SERPIND1: variants seen among roughly 807,000 people sequenced by gnomAD.
SERPIND1 encodes the protein heparin cofactor 2.
Under a neutral mutation model 35.0 loss-of-function variants are expected in SERPIND1, and 34 were observed. That is an observed-to-expected ratio of 0.97 (90% CI 0.74 to 1.29). The LOEUF is 1.29. Ranked by LOEUF, SERPIND1 falls within the 50% of genes most tolerant of loss-of-function variation. SERPIND1 has a pLI of 0.00. For synonymous variants in SERPIND1, 236 were observed against 241.1 expected, an observed-to-expected ratio of 0.98 and a Z score of 0.19; for missense variants, 633 against 637.7, an observed-to-expected ratio of 0.99 and a Z score of 0.08.
chr22:20,780,067 A>T lies in SERPIND1; in HGVS notation c.755A>T (p.Asp252Val). 6.2e-7 allele frequency: 1 copy of T among 1,614,176 alleles called. No homozygotes were observed. Among genetic ancestry groups the T allele is most frequent in the South Asian group, 1.1e-5 (1 of 91,090 alleles). Reference sequence around the variant, plus strand: ...TACTTTGCTGAGGCCCAGATAGCTGACTTCTCAGACCCTGCCTTCATATCA... The same window carrying T: ...TACTTTGCTGAGGCCCAGATAGCTGTCTTCTCAGACCCTGCCTTCATATCA... Reference protein sequence around the residue: ...EYYFAEAQIADFSDPAFISKT... With the variant: ...EYYFAEAQIAVFSDPAFISKT... The change falls in exon 2 of 5, where the codon GAC becomes GTC. Residue 252 changes from aspartate to valine, a missense_variant. By Grantham distance (152) the Asp-to-Val change is radical. Coordinates refer to ENST00000215727, the MANE Select transcript of SERPIND1 (RefSeq NM_000185.4).
At chr22:20,776,997 A>G (rs1933344094) in intron 1 of SERPIND1, among the ~76,000 whole-genome samples, 1 of 152,040 alleles carries the variant, frequency 6.6e-6, no homozygotes, top group Non-Finnish European at 1.5e-5. Flanking sequence ...CTAATAGGAA[A>G]TGGTCACAGA....
intron 3 of SERPIND1, 106 bp downstream of exon 3, chr22:20,784,351 T>C: frequency 6.8e-7 from 1 of 1,478,154 alleles, no homozygotes; most frequent in South Asian, 1.2e-5. Flanking sequence ...TATGTACAAG[T>C]ACCCAAGAAC....
In SERPIND1 at chr22:20,779,514, G is replaced by A. The variant is rs909727132; in HGVS notation, c.202G>A (p.Asp68Asn). ...DFHKENTVTN[D>N]WIPEGEEDDD... The stretch of plus-strand genomic sequence containing the variant: ...CCACAAGGAAAACACCGTCACCAAC[G>A]ACTGGATTCCAGAGGGGGAGGAGGA... The change falls in exon 2 of 5, where the codon GAC (aspartate) becomes AAC (asparagine). Residue 68 changes from aspartate (D) to asparagine (N), a missense_variant. Coordinates refer to ENST00000215727, the MANE Select transcript of SERPIND1 (RefSeq NM_000185.4). 35 of 1,613,994 alleles carry A rather than the reference G, an allele frequency of 2.2e-5. No homozygotes were observed. The highest frequency in any genetic ancestry group is 2.5e-5 in the Non-Finnish European group (30 of 1,179,864).
At chr22:20,780,427 A>G (rs771357157) in intron 2 of SERPIND1, among the ~76,000 whole-genome samples, 12 of 152,192 alleles carry the variant, frequency 7.9e-5, no homozygotes, top group Admixed American at 6.5e-5. Context: ...TGAGGTCATC[A>G]CTGTTATTAG....
rs1238561161 is a variant in SERPIND1 at position 20,780,184 on chromosome 22, A to G, written c.872A>G (p.Asn291Ser). 1 of 1,614,142 alleles carries G rather than the reference A, an allele frequency of 6.2e-7. No individual in the cohort carries two copies. The highest frequency in any genetic ancestry group is 1.3e-5 in the African/African-American group (1 of 74,952). The part of the protein sequence containing the change: ...IDPATQMMIL[N>S]CIYFKGSWVN... The stretch of plus-strand genomic sequence containing the variant: ...CCTGCTACCCAGATGATGATTCTCA[A>G]CTGCATCTACTTCAAAGGTAAGAGG... The change falls in exon 2 of 5, where the codon AAC becomes AGC. Residue 291 changes from asparagine to serine, a missense_variant. Physicochemically the swap from Asn to Ser is conservative, Grantham distance 46. Transcript: ENST00000215727.
Position 20,786,915 on chromosome 22 carries a change from C to T in SERPIND1, c.1349C>T (p.Thr450Ile). The part of the protein sequence containing the change: ...QGTITVNEEG[T>I]QATTVTTVGF... The stretch of plus-strand genomic sequence containing the variant: ...ACGATCACAGTGAACGAGGAAGGCA[C>T]CCAAGCCACCACTGTGACCACGGTG... Residue 450 changes from threonine to isoleucine, a missense_variant, in exon 5 of 5, where the codon ACC (threonine) becomes ATC (isoleucine). Transcript: ENST00000215727. 1 of 1,614,174 alleles carries T rather than the reference C, an allele frequency of 6.2e-7. No homozygotes were observed. Among genetic ancestry groups the T allele is most frequent in the East Asian group, 2.2e-5 (1 of 44,882 alleles).
intron 2 of SERPIND1, among the ~76,000 whole-genome samples, chr22:20,783,322 C>T (rs1371482937): frequency 6.6e-6 from 1 of 151,890 alleles, no homozygotes; most frequent in East Asian, 1.9e-4. Flanking sequence ...CTGAGGCTGG[C>T]AGGGTGGCTC....
At chr22:20,785,213 G>A (rs970824185) in intron 3 of SERPIND1, among the ~76,000 whole-genome samples, 4 of 152,004 alleles carry the variant, frequency 2.6e-5, no homozygotes, top group African/African-American at 9.7e-5. Context: ...GAGACTACAG[G>A]CGTGCACCTT....
chr22:20,779,443 A>G lies in SERPIND1; in HGVS notation c.131A>G (p.Gln44Arg), dbSNP rs1933569552. The G allele has an allele frequency of 6.2e-7, 1 of 1,614,230 alleles. No individual in the cohort carries two copies. The highest frequency in any genetic ancestry group is 8.5e-7 in the Non-Finnish European group (1 of 1,180,028). ...TAQSADPQWE[Q>R]LNNKNLSMPL... ...CAGTCTGCAGATCCCCAGTGGGAGCAGTTAAATAACAAAAACCTGAGCATG... is the reference window on the plus strand; with the variant it reads ...CAGTCTGCAGATCCCCAGTGGGAGCGGTTAAATAACAAAAACCTGAGCATG... The change falls in exon 2 of 5, where the codon CAG becomes CGG. Residue 44 changes from glutamine to arginine, a missense_variant. By Grantham distance (43) the Gln-to-Arg change is conservative. Transcript: ENST00000215727.
chr22:20,784,669 C>T (rs565355086), intron 3 of SERPIND1, among the ~76,000 whole-genome samples: 1 of 152,298 alleles, frequency 6.6e-6, no homozygotes, highest in East Asian at 1.9e-4. Context: ...TCAACTCTTC[C>T]CTGCCCAGGA....
Position 20,782,491 on chromosome 22 carries a change from G to C in SERPIND1, c.890-1481G>C, listed in dbSNP as rs117197425. Among the ~76,000 whole-genome samples the C allele has an allele frequency of 5.9e-3, 894 of 152,230 alleles. 8 individuals carry two copies. The highest frequency in any genetic ancestry group is 0.055 in the East Asian group (287 of 5,180). ...TTTTAATTTCACTTAATTTCATATG[G>C]AATCATCTCCATTACTAATTTTGTT... On this transcript the variant is annotated intron_variant, in intron 2 of 4. Transcript: ENST00000215727.
chr22:20,785,333 G>A (rs1162336286), intron 3 of SERPIND1, among the ~76,000 whole-genome samples: 1 of 152,222 alleles, frequency 6.6e-6, no homozygotes, highest in Non-Finnish European at 1.5e-5. Flanking sequence ...GCCTTCCAAA[G>A]TGCTGGGATT....
chr22:20,777,748 G>A (rs1034706429), intron 1 of SERPIND1, among the ~76,000 whole-genome samples: 2 of 152,168 alleles, frequency 1.3e-5, no homozygotes, highest in Admixed American at 6.5e-5. Flanking sequence ...GCAAAACATG[G>A]AATCATCAAA....
Position 20,787,088 on chromosome 22 carries a change from A to C in SERPIND1, c.*22A>C. ...CTAGAGGTGGAGGTCTAGGTGTCTGAAGTGCCTTGGGGGCACCCTCATTTT... is the reference window on the plus strand; with the variant it reads ...CTAGAGGTGGAGGTCTAGGTGTCTGCAGTGCCTTGGGGGCACCCTCATTTT... On this transcript the variant is annotated 3_prime_UTR_variant, in exon 5 of 5. Coordinates refer to ENST00000215727, the MANE Select transcript of SERPIND1 (RefSeq NM_000185.4). 6.2e-7 allele frequency: 1 copy of C among 1,608,608 alleles called. No homozygotes were observed. The highest frequency in any genetic ancestry group is 8.5e-7 in the Non-Finnish European group (1 of 1,175,212).
intron 1 of SERPIND1, among the ~76,000 whole-genome samples, chr22:20,777,202 CTAATT>C: frequency 2.0e-5 from 3 of 151,374 alleles, no homozygotes; most frequent in Middle Eastern, 6.8e-3. Flanking sequence ...TCACACCAGG[CTAATT>C]ATTTTTCTTT....
At chr22:20,777,860 T>A (rs932172770) in intron 1 of SERPIND1, among the ~76,000 whole-genome samples, 1 of 152,172 alleles carries the variant, frequency 6.6e-6, no homozygotes, top group Non-Finnish European at 1.5e-5. Flanking sequence ...CAGATCCTCC[T>A]CTGAACGAGT....
At position 20,780,078 on chromosome 22, in the gene SERPIND1, C is replaced by A. The variant is rs560768887; in HGVS notation, c.766C>A (p.Pro256Thr). 1.9e-6 allele frequency: 3 copies of A among 1,614,100 alleles called. No individual in the cohort carries two copies. Among genetic ancestry groups the A allele is most frequent in the Non-Finnish European group, 2.5e-6 (3 of 1,180,030 alleles). ...AEAQIADFSD[P>T]AFISKTNNHI... ...GGCCCAGATAGCTGACTTCTCAGAC[C>A]CTGCCTTCATATCAAAAACCAACAA... The change falls in exon 2 of 5, where the codon CCT (proline) becomes ACT (threonine). Residue 256 changes from proline (P) to threonine (T), a missense_variant. Transcript: ENST00000215727.
intron 1 of SERPIND1, among the ~76,000 whole-genome samples, chr22:20,775,537 T>C (rs1476504844): frequency 6.6e-6 from 1 of 152,256 alleles, no homozygotes; most frequent in Non-Finnish European, 1.5e-5. Context: ...TGCCACTCTA[T>C]CTGGCCTCAG....
At chr22:20,779,033 A>G in intron 1 of SERPIND1, 1 of 639,898 alleles carries the variant, frequency 1.6e-6, no homozygotes, top group Non-Finnish European at 2.4e-6. Flanking sequence ...AGGATTCTAG[A>G]AGGTTAGTTT....
Sources: allele counts gnomAD v4.1 joint callset (sites outside exome capture counted in the v4.1 genomes callset), GRCh38; gene constraint gnomAD v4.1.1; transcripts MANE v1.5; gene names NCBI Gene and HGNC (gene_info 2026-07-23, HGNC 2026-07-21).